Variants in EML2 observed in about 807,000 individuals in gnomAD.
EML2 encodes the protein EMAP like 2, also known as echinoderm microtubule-associated protein-like 2.
Under a neutral mutation model 84.7 loss-of-function variants are expected in EML2, and 59 were observed. The ratio of observed to expected loss-of-function variants is 0.70; its 90% CI spans 0.56 to 0.86. The LOEUF (loss-of-function observed/expected upper bound fraction) is 0.86. EML2 is among the 40% of genes least tolerant of loss of function. The pLI is 0.00. For missense variants in EML2, 818 were observed against 855.6 expected, an observed-to-expected ratio of 0.96 and a Z score of 0.55; for synonymous variants, 352 against 348.9, an observed-to-expected ratio of 1.01 and a Z score of -0.10.
At chr19:45,613,815 T>A (rs1970743147) in intron 17 of EML2, 144 bp from the exon 18 acceptor site, 1 of 1,040,020 alleles carries the variant, frequency 9.6e-7, no homozygotes, top group Admixed American at 2.8e-5. Context: ...TACCTTAAAA[T>A]GTGAATCCGA....
Position 45,624,740 on chromosome 19 carries a change from T to G in EML2, c.820A>C (p.Asn274His), listed in dbSNP as rs761874461. 1.9e-6 allele frequency: 3 copies of G among 1,613,414 alleles called. No individual in the cohort carries two copies. The highest frequency in any genetic ancestry group is 2.5e-6 in the Non-Finnish European group (3 of 1,179,798). Residue 274 changes from asparagine (N) to histidine (H), a missense_variant, in exon 9 of 19, where the codon AAC becomes CAC. Transcript: ENST00000245925. ...GDVVTGDSGG[N>H]LYVWGKGGNR... ...TGACCTTTGCCCCAAACATAGAGGTTCCCCCCAGAGTCCCCCGTGACCACG... is the reference window on the plus strand; with the variant it reads ...TGACCTTTGCCCCAAACATAGAGGTGCCCCCCAGAGTCCCCCGTGACCACG...
intron 11 of EML2, chr19:45,619,541 C>T (rs770727712): frequency 1.0e-4 from 17 of 169,196 alleles, no homozygotes; most frequent in Non-Finnish European, 1.8e-4. Flanking sequence ...TCTGGGAAGG[C>T]GCTTCTGGAG....
At position 45,609,542 on chromosome 19, in the gene EML2, C is replaced by CA; in HGVS notation, c.*120_*121insT. 9 of 1,107,230 alleles carry CA rather than the reference C, an allele frequency of 8.1e-6. No individual in the cohort carries two copies. Among genetic ancestry groups the CA allele is most frequent in the Non-Finnish European group, 1.1e-5 (9 of 835,276 alleles). 68.6% of individuals were successfully genotyped at this position (1,107,230 alleles called of 1,614,324 possible). A position where few individuals can be genotyped will look rare whatever the true frequency, so the allele number is the denominator to read the frequency against. ...AGAGACTTCTGTATGTCAGTCTACCCTCCCGCCCCCATAACCCCCTCTGCT... is the reference window on the plus strand; with the variant it reads ...AGAGACTTCTGTATGTCAGTCTACCCATCCCGCCCCCATAACCCCCTCTGCT... On this transcript the variant is annotated 3_prime_UTR_variant, in exon 19 of 19. Transcript: ENST00000245925.
At position 45,619,048 on chromosome 19, in the gene EML2, C is replaced by T. The variant is rs373949602; in HGVS notation, c.1254+12G>A. 33 of 1,598,408 alleles carry T rather than the reference C, an allele frequency of 2.1e-5. No homozygotes were observed. Among genetic ancestry groups the T allele is most frequent in the Admixed American group, 1.5e-4 (9 of 59,062 alleles). ...GTTAGAATGGTGCTTTTCCAGTCCC[C>T]GGGCCCCTTACCTCGATGATCCTGC... On this transcript the variant is annotated intron_variant, in intron 12 of 18. Coordinates refer to ENST00000245925, the MANE Select transcript of EML2 (RefSeq NM_012155.4).
intron 7 of EML2, among the ~76,000 whole-genome samples, chr19:45,628,334 C>T (rs1406898503): frequency 6.6e-6 from 1 of 151,502 alleles, no homozygotes; most frequent in Non-Finnish European, 1.5e-5. Context: ...TGCCATTACA[C>T]TCCAGCCTGG....
intron 3 of EML2, among the ~76,000 whole-genome samples, chr19:45,636,288 A>G (rs1259845755): frequency 6.6e-6 from 1 of 152,202 alleles, no homozygotes; most frequent in Non-Finnish European, 1.5e-5. Flanking sequence ...TGGCTAATTA[A>G]AAAGAAATTT....
chr19:45,639,340 C>T lies in EML2; in HGVS notation c.20+17G>A. On this transcript the variant is annotated intron_variant, in intron 1 of 18. Transcript: ENST00000245925. ...GCGCGGAGAGGAGATGGGGGGTGGT[C>T]TGCGAAAGGGTCTCACCCAGCTCCA... is the stretch of plus-strand genomic sequence containing the variant. 7.5e-7 allele frequency: 1 copy of T among 1,337,080 alleles called. No homozygotes were observed. The highest frequency in any genetic ancestry group is 3.8e-5 in the Admixed American group (1 of 26,456). The allele number at this position is 1,337,080 out of a possible 1,614,324, so 82.8% of individuals were successfully genotyped here.
rs764086666 is a variant in EML2, at chr19:45,621,619, T to G, written c.860A>C (p.Gln287Pro). ...VWGKGGNRIT[Q>P]AVLGAHDGGV... ...GCCGTCGTGGGCGCCCAGCACCGCC[T>G]GTGTGATACGGTTCCCACCTGCAGG... Residue 287 changes from glutamine (Q) to proline (P), a missense_variant, in exon 10 of 19, where the codon CAG (glutamine) becomes CCG (proline). Coordinates refer to ENST00000245925, the MANE Select transcript of EML2 (RefSeq NM_012155.4). 1.2e-6 allele frequency: 2 copies of G among 1,608,624 alleles called. No individual in the cohort carries two copies. The highest frequency in any genetic ancestry group is 2.2e-5 in the South Asian group (2 of 91,012).
rs143204339 is a variant in EML2, at chr19:45,634,783, G to C, written c.180-312C>G. Among the ~76,000 whole-genome samples the C allele has an allele frequency of 1.9e-3, 287 of 150,910 alleles. 2 individuals carry two copies. Among genetic ancestry groups the C allele is most frequent in the African/African-American group, 6.6e-3 (271 of 41,096 alleles). On this transcript the variant is annotated intron_variant, in intron 3 of 18. Transcript: ENST00000245925. ...TCACCATGTTAGCCAGGATGGTCTC[G>C]ATCTCCTGACCTTGTGATCCACCCG...
upstream of EML2, chr19:45,641,937 C>T: frequency 2.1e-6 from 3 of 1,442,436 alleles, no homozygotes; most frequent in Non-Finnish European, 2.7e-6. Flanking sequence ...GAGGTCGCCT[C>T]CTTCTTGGGA....
upstream of EML2, among the ~76,000 whole-genome samples, chr19:45,643,341 C>T (rs1361824602): frequency 6.6e-6 from 1 of 152,190 alleles, no homozygotes; most frequent in African/African-American, 2.4e-5. Flanking sequence ...ACCCAGAAGA[C>T]CCAAGGGAGA....
upstream of EML2, chr19:45,643,787 C>A: frequency 6.8e-7 from 1 of 1,473,250 alleles, no homozygotes. Flanking sequence ...GGCTTGCCCG[C>A]CCTGCCCCCC....
intron 17 of EML2, among the ~76,000 whole-genome samples, chr19:45,614,056 C>G (rs1226921833): frequency 6.6e-6 from 1 of 152,224 alleles, no homozygotes; most frequent in Non-Finnish European, 1.5e-5. Flanking sequence ...TGCCAAGAGA[C>G]TGCTTTCCTT....
At chr19:45,626,937 G>A in intron 7 of EML2, 98 bp from the exon 8 acceptor site, 1 of 1,099,940 alleles carries the variant, frequency 9.1e-7, no homozygotes, top group Non-Finnish European at 1.2e-6. Context: ...TGTTTGTGTT[G>A]TATGCTGCAC....
upstream of EML2, chr19:45,645,232 C>T: frequency 6.6e-7 from 1 of 1,526,392 alleles, no homozygotes; most frequent in South Asian, 1.2e-5. Flanking sequence ...ATGGGTCCAG[C>T]CTTGGGCGGG....
At chr19:45,630,533 C>G (rs1227943041) in intron 6 of EML2, among the ~76,000 whole-genome samples, 4 of 129,896 alleles carry the variant, frequency 3.1e-5, no homozygotes, top group Non-Finnish European at 4.7e-5. Context: ...GCCTGGGTGA[C>G]AGTGAGAGAC....
At chr19:45,622,204 C>T (rs1158786534) in intron 9 of EML2, among the ~76,000 whole-genome samples, 1 of 152,124 alleles carries the variant, frequency 6.6e-6, no homozygotes, top group East Asian at 1.9e-4. Flanking sequence ...CCCACCCATC[C>T]ATCCATCCAC....
At chr19:45,614,933 C>T (rs540164060) in intron 16 of EML2, 7 of 433,726 alleles carry the variant, frequency 1.6e-5, no homozygotes, top group Admixed American at 3.6e-5. Flanking sequence ...TGGTGGCTCA[C>T]GTCTGTAATC....
At chr19:45,609,871 C>A in intron 18 of EML2, 83 bp from the exon 19 acceptor site, 6 of 1,424,342 alleles carry the variant, frequency 4.2e-6, no homozygotes, top group Non-Finnish European at 5.6e-6. Context: ...TGACCCGGTT[C>A]TTTTCTGCTC....
Sources: allele counts gnomAD v4.1 joint callset (sites outside exome capture counted in the v4.1 genomes callset), GRCh38; gene constraint gnomAD v4.1.1; transcripts MANE v1.5; gene names NCBI Gene and HGNC (gene_info 2026-07-23, HGNC 2026-07-21).